MLLT10: variants seen among roughly 807,000 people sequenced by gnomAD.
MLLT10 encodes protein AF-10.
Under a neutral mutation model 129.1 loss-of-function variants are expected in MLLT10, and 30 were observed. That is an observed-to-expected ratio of 0.23 (90% confidence interval 0.17 to 0.32). The LOEUF (loss-of-function observed/expected upper bound fraction) is 0.32, where lower values mean the gene tolerates loss of function less well. Ranked by LOEUF, MLLT10 falls within the 10% of genes least tolerant of loss-of-function variation. The pLI, the probability that MLLT10 is intolerant of heterozygous loss-of-function variation, is 1.00. For synonymous variants in MLLT10, 490 were observed against 446.4 expected, an observed-to-expected ratio of 1.10 and a Z score of -1.23; for missense variants, 1,119 against 1,268.3, an observed-to-expected ratio of 0.88 and a Z score of 1.79.
chr10:21,674,404 A>G (rs1443399687), intron 11 of MLLT10, among the ~76,000 whole-genome samples: 1 of 152,156 alleles, frequency 6.6e-6, no homozygotes, highest in Non-Finnish European at 1.5e-5. Context: ...AGACATTTTT[A>G]TATCAGTGAT....
rs772231380 is a variant in MLLT10 at position 21,733,047 on chromosome 10, T to G, written c.2367T>G (p.Pro789=). The change falls in exon 18 of 23, where the codon CCT becomes CCG. Residue 789 remains proline (P), a synonymous_variant. Transcript: ENST00000307729. ...SVPFPTITAN[P]SPSHQIHTFS... is the part of the protein sequence containing the mutation. ...CTTTTCCAACAATAACAGCAAATCC[T>G]AGTCCGTCTCATCAAATACACACAT... is the stretch of plus-strand genomic sequence containing the variant. 6.2e-7 allele frequency: 1 copy of G among 1,613,454 alleles called. No homozygotes were observed. Among genetic ancestry groups the G allele is most frequent in the Non-Finnish European group, 8.5e-7 (1 of 1,179,704 alleles).
At chr10:21,604,148 G>A (rs948474872) in intron 5 of MLLT10, among the ~76,000 whole-genome samples, 2 of 152,132 alleles carry the variant, frequency 1.3e-5, no homozygotes, top group Non-Finnish European at 2.9e-5. Context: ...CTGTATCCCA[G>A]TAGTCCCCAA....
chr10:21,605,086 TAA>T (rs55928488), intron 5 of MLLT10, among the ~76,000 whole-genome samples: 27 of 138,812 alleles, frequency 1.9e-4, no homozygotes, highest in African/African-American at 2.7e-4. Flanking sequence ...CCCATCTCTT[TAA>T]AAAAAAAAAA....
intron 8 of MLLT10, among the ~76,000 whole-genome samples, chr10:21,639,481 T>C (rs1005702420): frequency 5.9e-5 from 9 of 152,166 alleles, no homozygotes; most frequent in Non-Finnish European, 1.2e-4. Flanking sequence ...CCCTTACTTA[T>C]GTTTATTGGT....
At chr10:21,551,766 TTTA>T in intron 3 of MLLT10, 2 of 401,350 alleles carry the variant, frequency 5.0e-6, no homozygotes, top group African/African-American at 4.4e-5. Context: ...TTTTTTTTTT[TTTA>T]AATTAAGTCT....
At chr10:21,734,898 G>A (rs574156466) in intron 20 of MLLT10, among the ~76,000 whole-genome samples, 1 of 152,136 alleles carries the variant, frequency 6.6e-6, no homozygotes, top group Admixed American at 6.5e-5. Flanking sequence ...ATGAGTTAGG[G>A]CCTATTTGTT....
intron 9 of MLLT10, among the ~76,000 whole-genome samples, chr10:21,660,156 A>G (rs1407467225): frequency 1.3e-5 from 2 of 151,532 alleles, no homozygotes; most frequent in South Asian, 2.1e-4. Flanking sequence ...TTTTGTAGAG[A>G]TAAGTTTCGC....
chr10:21,715,258 C>T (rs924047610), intron 14 of MLLT10, among the ~76,000 whole-genome samples: 3 of 152,114 alleles, frequency 2.0e-5, no homozygotes, highest in African/African-American at 7.2e-5. Context: ...ATTAAAATTA[C>T]GTATTAGAAT....
At position 21,545,293 on chromosome 10, in the gene MLLT10, A is replaced by G. The variant is rs539727594; in HGVS notation, c.240+6381A>G. 3.8e-4 allele frequency among the ~76,000 whole-genome samples: 57 copies of G among 151,944 alleles called. No individual in the cohort carries two copies. The South Asian group carries it at 0.012, about 32-fold the overall frequency. On this transcript the variant is annotated intron_variant, in intron 3 of 22. Coordinates refer to ENST00000307729, the MANE Select transcript of MLLT10 (RefSeq NM_001195626.3). The stretch of plus-strand genomic sequence containing the variant: ...AAATGTTCACATTTGGGAGAGTAAG[A>G]GAACTGATTATCAAGGATTGATAGT...
At chr10:21,717,686 C>CTCCTCCTCCTCT (rs2056769226) in intron 14 of MLLT10, among the ~76,000 whole-genome samples, 2 of 59,134 alleles carry the variant, frequency 3.4e-5, no homozygotes, top group Non-Finnish European at 6.4e-5. Context: ...CTTCCTCCTC[C>CTCCTCCTCCTCT]TCCTCCTCCT....
At chr10:21,537,428 G>T (rs2034245825) in intron 2 of MLLT10, among the ~76,000 whole-genome samples, 1 of 152,072 alleles carries the variant, frequency 6.6e-6, no homozygotes, top group Admixed American at 6.6e-5. Flanking sequence ...CTCCTGAGTA[G>T]CTGGGACTAC....
chr10:21,664,927 G>A (rs1034611327), intron 9 of MLLT10, among the ~76,000 whole-genome samples: 2 of 149,708 alleles, frequency 1.3e-5, no homozygotes, highest in Non-Finnish European at 3.0e-5. Flanking sequence ...ATTTAAAATA[G>A]GCTTCTTTTT....
intron 3 of MLLT10, among the ~76,000 whole-genome samples, chr10:21,585,496 C>A (rs1185577354): frequency 1.3e-5 from 2 of 152,142 alleles, no homozygotes; most frequent in African/African-American, 4.8e-5. Context: ...GAAGGGAAAT[C>A]AGCATGCATG....
chr10:21,626,031 G>C, intron 8 of MLLT10: 1 of 1,266,426 alleles, frequency 7.9e-7, no homozygotes, highest in Non-Finnish European at 1.2e-6. Flanking sequence ...GTTACATTCA[G>C]AGTATAATCA....
intron 5 of MLLT10, among the ~76,000 whole-genome samples, chr10:21,605,029 C>T (rs565577778): frequency 3.0e-4 from 46 of 150,898 alleles, no homozygotes; most frequent in African/African-American, 1.0e-3. Context: ...GTGATTATTG[C>T]ACCTGTGAAC....
chr10:21,605,147 T>C (rs528833936), intron 5 of MLLT10, among the ~76,000 whole-genome samples: 1 of 151,862 alleles, frequency 6.6e-6, no homozygotes, highest in Admixed American at 6.6e-5. Context: ...CTTAGCCTAG[T>C]CTACCTTAAA....
rs534171191 is a variant in MLLT10 at position 21,707,438 on chromosome 10, G to A, written c.1700-6334G>A. ...GATCTCCTGACCTCGTGATCCGCCC[G>A]TCTCGGCCTCCCAAAGTGCTGGGAT... On this transcript the variant is annotated intron_variant, in intron 13 of 22. Transcript: ENST00000307729. Among the ~76,000 whole-genome samples, 9 of 151,998 alleles carry A rather than the reference G, an allele frequency of 5.9e-5. No individual in the cohort carries two copies. The South Asian group carries it at 1.7e-3, about 28-fold the overall frequency.
intron 8 of MLLT10, among the ~76,000 whole-genome samples, chr10:21,640,012 C>T (rs915109358): frequency 1.3e-5 from 2 of 151,638 alleles, no homozygotes; most frequent in Non-Finnish European, 2.9e-5. Context: ...TGTTACTCTG[C>T]CGCTGTTCTG....
intron 13 of MLLT10, among the ~76,000 whole-genome samples, chr10:21,689,602 T>C (rs2053642526): frequency 1.3e-5 from 1 of 79,414 alleles, no homozygotes; most frequent in Admixed American, 1.5e-4. Flanking sequence ...GTGTGTGTTT[T>C]ATATATATAT....
Sources: gnomAD v4.1 joint callset for allele counts (sites outside exome capture counted in the v4.1 genomes callset) on GRCh38, gnomAD v4.1.1 for gene constraint, MANE v1.5 for transcripts, NCBI Gene and HGNC (gene_info 2026-07-23, HGNC 2026-07-21) for gene names.